Variants in KIAA0232 observed in about 807,000 individuals in gnomAD.
KIAA0232 encodes uncharacterized protein KIAA0232.
KIAA0232 carries 27 observed loss-of-function variants against 122.0 expected under a neutral mutation model. The observed-to-expected ratio is 0.22, with a 90% CI of 0.16 to 0.31. The LOEUF is 0.31. KIAA0232 is among the 10% of genes least tolerant of loss of function. The pLI is 1.00. For missense variants in KIAA0232, 1,551 were observed against 1,634.2 expected (o/e 0.95, Z 0.88); for synonymous variants, 613 against 587.6 (o/e 1.04, Z -0.63).
intron 4 of KIAA0232, among the ~76,000 whole-genome samples, chr4:6,852,832 C>G (rs1720365656): frequency 6.6e-6 from 1 of 152,212 alleles, no homozygotes; most frequent in African/African-American, 2.4e-5. Flanking sequence ...GAGCTGTGAC[C>G]TTTCACCACA....
intron 1 of KIAA0232, among the ~76,000 whole-genome samples, chr4:6,799,558 A>G (rs1310735299): frequency 6.6e-6 from 1 of 152,120 alleles, no homozygotes; most frequent in Admixed American, 6.5e-5. Context: ...GAAAGTATCA[A>G]TTTGGCCTCA....
Position 6,881,058 on chromosome 4 carries a change from G to C in KIAA0232, c.*92G>C. ...CCTGTTAATCTAAAACAACAACTTA[G>C]GTTTCCTCTTCAATTAACTGATTCA... On this transcript the variant is annotated 3_prime_UTR_variant, in exon 10 of 10. Coordinates refer to ENST00000307659, the MANE Select transcript of KIAA0232 (RefSeq NM_014743.3). 3 of 928,058 alleles carry C rather than the reference G, an allele frequency of 3.2e-6. No homozygotes were observed. Among genetic ancestry groups the C allele is most frequent in the Non-Finnish European group, 4.4e-6 (3 of 675,882 alleles). The allele number at this position is 928,058 out of a possible 1,614,324, so 57.5% of individuals were successfully genotyped here. A position where few individuals can be genotyped will look rare whatever the true frequency, so the allele number is the denominator to read the frequency against.
rs1007045472 is a variant in KIAA0232 at position 6,855,293 on chromosome 4, C to T, written c.370-1871C>T. On this transcript the variant is annotated intron_variant, in intron 4 of 9. Coordinates refer to ENST00000307659, the MANE Select transcript of KIAA0232 (RefSeq NM_014743.3). The surrounding 1 kb of genome is among the most constrained non-coding windows in gnomAD (Gnocchi z 4.3). ...AGTAGAAACGGGGTTTCACCATGTT[C>T]GCCAGGCTAGTCTTGAACTCCTGAC... Among the ~76,000 whole-genome samples the T allele has an allele frequency of 2.6e-5, 4 of 151,730 alleles. No homozygotes were observed. Among genetic ancestry groups the T allele is most frequent in the Non-Finnish European group, 5.9e-5 (4 of 67,918 alleles).
At chr4:6,837,506 C>T (rs1284214149) in intron 3 of KIAA0232, among the ~76,000 whole-genome samples, 4 of 152,150 alleles carry the variant, frequency 2.6e-5, no homozygotes, top group East Asian at 1.9e-4. Flanking sequence ...ACTTCCTAGA[C>T]GGGGTGGCGG....
chr4:6,796,318 T>C (rs924906586), intron 1 of KIAA0232, among the ~76,000 whole-genome samples: 1 of 152,128 alleles, frequency 6.6e-6, no homozygotes, highest in Non-Finnish European at 1.5e-5. Context: ...CTCAGCTCAC[T>C]GCAGCCTCTG....
intron 2 of KIAA0232, among the ~76,000 whole-genome samples, chr4:6,806,292 G>T (rs1008448480): frequency 1.3e-5 from 2 of 152,062 alleles, no homozygotes; most frequent in Non-Finnish European, 2.9e-5. Flanking sequence ...TTTTTAATAT[G>T]GCAGTCCAGC....
At chr4:6,837,834 G>C (rs1209682033) in intron 3 of KIAA0232, among the ~76,000 whole-genome samples, 1 of 152,124 alleles carries the variant, frequency 6.6e-6, no homozygotes, top group Non-Finnish European at 1.5e-5. Flanking sequence ...GAATCAGGCA[G>C]GGAGGTTGCA....
At chr4:6,802,848 A>G (rs1717446246) in intron 1 of KIAA0232, among the ~76,000 whole-genome samples, 1 of 151,894 alleles carries the variant, frequency 6.6e-6, no homozygotes, top group African/African-American at 2.4e-5. Flanking sequence ...GGTTGAAAGA[A>G]GAGTAATAGT....
chr4:6,882,650 G>A lies in KIAA0232; in HGVS notation c.*1684G>A, dbSNP rs1032926893. 2.0e-5 allele frequency: 3 copies of A among 152,060 alleles called. No individual in the cohort carries two copies. Among genetic ancestry groups the A allele is most frequent in the East Asian group, 1.9e-4 (1 of 5,192 alleles). The allele number at this position is 152,060 out of a possible 1,614,324, so 9.4% of individuals were successfully genotyped here. ...GGTGTGTGTGTGTGTGTGTGTGTGC[G>A]CGCGTGCGCGCGCGCATGTGTAAGG... On this transcript the variant is annotated 3_prime_UTR_variant, in exon 10 of 10. Transcript: ENST00000307659.
chr4:6,865,941 CCTTA>C (rs772058924), intron 7 of KIAA0232, among the ~76,000 whole-genome samples: 21 of 152,258 alleles, frequency 1.4e-4, no homozygotes, highest in Non-Finnish European at 2.6e-4. Context: ...GTGGACCATG[CCTTA>C]CTTATTTGTC....
chr4:6,864,224 C>T (rs1721046702), intron 7 of KIAA0232, 41 bp downstream of exon 7: 2 of 1,551,282 alleles, frequency 1.3e-6, no homozygotes, highest in East Asian at 2.3e-5. Context: ...AGGATTTGAT[C>T]AGAGTTTAAC....
intron 4 of KIAA0232, among the ~76,000 whole-genome samples, chr4:6,849,436 C>T (rs1175946831): frequency 6.6e-6 from 1 of 152,136 alleles, no homozygotes; most frequent in Non-Finnish European, 1.5e-5. Context: ...GCCAACATGG[C>T]AAAAACCTGT....
At chr4:6,808,714 C>CA (rs1291247086) in intron 2 of KIAA0232, among the ~76,000 whole-genome samples, 2 of 152,154 alleles carry the variant, frequency 1.3e-5, no homozygotes, top group South Asian at 2.1e-4. Flanking sequence ...CCTGTGGACT[C>CA]AGAGTGTGAT....
At chr4:6,807,949 TCCC>T in intron 2 of KIAA0232, among the ~76,000 whole-genome samples, 1 of 152,252 alleles carries the variant, frequency 6.6e-6, no homozygotes, top group East Asian at 1.9e-4. Context: ...GCACCTGTAG[TCCC>T]AGCTACTCGG....
chr4:6,852,461 C>T (rs992059282), intron 4 of KIAA0232, among the ~76,000 whole-genome samples: 3 of 152,072 alleles, frequency 2.0e-5, no homozygotes, highest in Admixed American at 6.6e-5. Context: ...TCCAGTGAAA[C>T]GATTACCATG....
At position 6,786,718 on chromosome 4, in the gene KIAA0232, T is replaced by C. The variant is rs146319104; in HGVS notation, c.-354+3877T>C. Among the ~76,000 whole-genome samples, 31 of 152,346 alleles carry C rather than the reference T, an allele frequency of 2.0e-4. 1 individual carries two copies. In the East Asian group the frequency reaches 5.6e-3, roughly 27 times the overall value. On this transcript the variant is annotated intron_variant, in intron 1 of 9. Transcript: ENST00000307659. ...AATATTTCTTTACAGTTATTTTTGG[T>C]CTTTCACATAATCACATAAGTGGTA... is the stretch of plus-strand genomic sequence containing the variant.
At chr4:6,793,633 T>G (rs922089158) in intron 1 of KIAA0232, among the ~76,000 whole-genome samples, 2 of 64,284 alleles carry the variant, frequency 3.1e-5, no homozygotes, top group Non-Finnish European at 1.0e-4. Flanking sequence ...TATTTGGTGC[T>G]TTCTTAAAAA....
chr4:6,866,849 G>A (rs1451628224), intron 7 of KIAA0232, among the ~76,000 whole-genome samples: 2 of 152,186 alleles, frequency 1.3e-5, no homozygotes, highest in Non-Finnish European at 2.9e-5. Flanking sequence ...TCAGCGTAGT[G>A]AAGATGACCA....
chr4:6,874,008 C>A (rs2108839437), intron 8 of KIAA0232, among the ~76,000 whole-genome samples: 1 of 152,324 alleles, frequency 6.6e-6, no homozygotes, highest in South Asian at 2.1e-4. Flanking sequence ...AGGGGCTGAC[C>A]TGGGAGCTCA....
Sources: gnomAD v4.1 joint callset for allele counts (sites outside exome capture counted in the v4.1 genomes callset) on GRCh38, gnomAD v4.1.1 for gene constraint, Gnocchi (gnomAD v3.1) non-coding constraint, MANE v1.5 for transcripts, NCBI Gene and HGNC (gene_info 2026-07-23, HGNC 2026-07-21) for gene names.